The following ZDHHC21 variants were observed in gnomAD, a reference collection of about 807,000 sequenced individuals.
ZDHHC21 encodes the protein palmitoyltransferase ZDHHC21.
ZDHHC21 carries 15 observed loss-of-function variants against 34.6 expected under a neutral mutation model. The observed-to-expected ratio is 0.43, with a 90% CI of 0.29 to 0.67. The LOEUF is 0.67. Among genes scored for constraint, ZDHHC21 ranks in the 30% least tolerant of loss-of-function variants. The pLI is 0.14. For missense variants in ZDHHC21, 344 were observed against 327.7 expected, an observed-to-expected ratio of 1.05 and a Z score of -0.38; for synonymous variants, 142 against 101.8, an observed-to-expected ratio of 1.40 and a Z score of -2.38.
the ZDHHC21 span, among the ~76,000 whole-genome samples, chr9:14,602,284 T>C: frequency 6.6e-6 from 1 of 152,078 alleles, no homozygotes; most frequent in Non-Finnish European, 1.5e-5. Flanking sequence ...GACAGGTCAT[T>C]TGAAATAATT....
chr9:14,681,764 G>T (rs1476167023), intron 2 of ZDHHC21, among the ~76,000 whole-genome samples: 1 of 126,844 alleles, frequency 7.9e-6, no homozygotes. Flanking sequence ...TGTGTAAGTG[G>T]GTGGGGTAGT....
intron 8 of ZDHHC21, among the ~76,000 whole-genome samples, chr9:14,626,063 G>A (rs952915824): frequency 1.3e-5 from 2 of 151,948 alleles, no homozygotes; most frequent in African/African-American, 4.8e-5. Context: ...ATTTGGAACA[G>A]CTGAAAAACT....
In ZDHHC21 at chr9:14,692,500, T is replaced by C. The variant is rs1397529630; in HGVS notation, c.-225+729A>G. On this transcript the variant is annotated intron_variant, in intron 1 of 9. Transcript: ENST00000380916. ...GCTATATTGCAATATTTTAAAGTAATAATTGGTCATGTCCTCTCAGCCCTG... is the reference window on the plus strand; with the variant it reads ...GCTATATTGCAATATTTTAAAGTAACAATTGGTCATGTCCTCTCAGCCCTG... Among the ~76,000 whole-genome samples the C allele has an allele frequency of 2.0e-5, 3 of 152,058 alleles. No homozygotes were observed. In the East Asian group the frequency reaches 5.8e-4, roughly 29 times the overall value.
chr9:14,599,388 G>T, the ZDHHC21 span, among the ~76,000 whole-genome samples: 2 of 152,274 alleles, frequency 1.3e-5, no homozygotes, highest in African/African-American at 4.8e-5. Flanking sequence ...GTGAGGGACT[G>T]TGCCATGAGG....
At chr9:14,693,085 G>A in intron 1 of ZDHHC21, 144 bp downstream of exon 1, 1 of 201,476 alleles carries the variant, frequency 5.0e-6, no homozygotes, top group Non-Finnish European at 1.0e-5. Flanking sequence ...TGCAGGGGGC[G>A]TGCAGGAACA....
intron 6 of ZDHHC21, among the ~76,000 whole-genome samples, 173 bp downstream of exon 6, chr9:14,662,042 G>C (rs1007211423): frequency 6.6e-6 from 1 of 152,038 alleles, no homozygotes; most frequent in African/African-American, 2.4e-5. Flanking sequence ...GATTTCTGTG[G>C]AAAAATGACT....
At chr9:14,623,604 G>A (rs1278897624) in intron 8 of ZDHHC21, among the ~76,000 whole-genome samples, 10 of 146,938 alleles carry the variant, frequency 6.8e-5, no homozygotes, top group African/African-American at 1.3e-4. Context: ...CTGACAAGGG[G>A]TTAATACCCA....
intron 7 of ZDHHC21, among the ~76,000 whole-genome samples, chr9:14,653,066 A>G (rs1373851990): frequency 1.3e-5 from 2 of 151,938 alleles, no homozygotes; most frequent in Non-Finnish European, 2.9e-5. Flanking sequence ...TTACTCCCAC[A>G]AAAAATATGT....
chr9:14,631,149 C>G (rs1056355383), intron 8 of ZDHHC21, among the ~76,000 whole-genome samples: 1 of 152,226 alleles, frequency 6.6e-6, no homozygotes, highest in Non-Finnish European at 1.5e-5. Flanking sequence ...TTTGTGTACA[C>G]TGAACATCTG....
At chr9:14,689,980 G>A (rs559398314) in intron 2 of ZDHHC21, among the ~76,000 whole-genome samples, 1 of 152,168 alleles carries the variant, frequency 6.6e-6, no homozygotes, top group Non-Finnish European at 1.5e-5. Context: ...GGTCTCTGTG[G>A]GAATTTTCAT....
rs10961641 is a variant in ZDHHC21 at position 14,663,788 on chromosome 9, C to T, written c.254-1462G>A. Among the ~76,000 whole-genome samples the T allele has an allele frequency of 8.5e-5, 13 of 152,196 alleles. No homozygotes were observed. The East Asian group carries it at 2.5e-3, about 29-fold the overall frequency. ...ATTTTAAAAGAAAATACTTTTTCAT[C>T]TCTTACAGTTATTTTAATGAAAATA... On this transcript the variant is annotated intron_variant, in intron 5 of 9. Coordinates refer to ENST00000380916, the MANE Select transcript of ZDHHC21 (RefSeq NM_178566.6).
chr9:14,647,694 C>A (rs1237282538), intron 7 of ZDHHC21, among the ~76,000 whole-genome samples: 1 of 152,114 alleles, frequency 6.6e-6, no homozygotes. Context: ...CGTTTCTTGA[C>A]CCTCTCTCAC....
In ZDHHC21 at chr9:14,666,638, T is replaced by C. The variant is rs1044765851; in HGVS notation, c.254-4312A>G. Among the ~76,000 whole-genome samples, 342 of 108,816 alleles carry C rather than the reference T, an allele frequency of 3.1e-3. 27 individuals carry two copies. The highest frequency in any genetic ancestry group is 3.8e-3 in the Non-Finnish European group (185 of 48,158). The allele number at this position is 108,816 out of a possible 152,430, so 71.4% of individuals were successfully genotyped here. ...AGCAAATGTAAAAGAACAGAAATTA[T>C]AACAAACTGTCTCTCAGACCACAGT... On this transcript the variant is annotated intron_variant, in intron 5 of 9. Transcript: ENST00000380916.
At chr9:14,662,593 G>C (rs1833607843) in intron 5 of ZDHHC21, among the ~76,000 whole-genome samples, 1 of 152,120 alleles carries the variant, frequency 6.6e-6, no homozygotes, top group South Asian at 2.1e-4. Flanking sequence ...CAATGTATTT[G>C]GATTCTGGGT....
intron 8 of ZDHHC21, among the ~76,000 whole-genome samples, chr9:14,629,972 A>G (rs936043740): frequency 1.3e-5 from 2 of 152,054 alleles, no homozygotes; most frequent in African/African-American, 4.8e-5. Flanking sequence ...CTTAAACCCG[A>G]GAGACAGAGG....
At chr9:14,652,748 C>G (rs1250565244) in intron 7 of ZDHHC21, among the ~76,000 whole-genome samples, 2 of 151,846 alleles carry the variant, frequency 1.3e-5, no homozygotes, top group African/African-American at 4.8e-5. Context: ...CAGTTTTCTA[C>G]TGAATACAGG....
chr9:14,674,590 T>C (rs1836028539), intron 3 of ZDHHC21, among the ~76,000 whole-genome samples: 1 of 152,058 alleles, frequency 6.6e-6, no homozygotes, highest in Non-Finnish European at 1.5e-5. Context: ...TTTCAGGATA[T>C]TCAAATTTTA....
chr9:14,643,247 C>G (rs920332894), intron 7 of ZDHHC21, among the ~76,000 whole-genome samples: 2 of 151,558 alleles, frequency 1.3e-5, no homozygotes, highest in African/African-American at 4.9e-5. Context: ...GACTCTGTCT[C>G]AAAAAAATAT....
At chr9:14,681,789 G>A (rs940293632) in intron 2 of ZDHHC21, among the ~76,000 whole-genome samples, 5 of 151,182 alleles carry the variant, frequency 3.3e-5, no homozygotes, top group African/African-American at 1.2e-4. Context: ...CTTAAGACAG[G>A]AGGCATACTA....
Sources: gnomAD v4.1 joint callset for allele counts (sites outside exome capture counted in the v4.1 genomes callset) on GRCh38, gnomAD v4.1.1 for gene constraint, MANE v1.5 for transcripts, NCBI Gene and HGNC (gene_info 2026-07-23, HGNC 2026-07-21) for gene names.